Variants in KCNH8 observed in about 807,000 individuals in gnomAD.
The protein encoded by KCNH8 is voltage-gated delayed rectifier potassium channel KCNH8.
Under a neutral mutation model 103.6 loss-of-function variants are expected in KCNH8, and 70 were observed. The observed-to-expected ratio is 0.68, with a 90% CI of 0.56 to 0.82. KCNH8 has a LOEUF of 0.82. Among genes scored for constraint, KCNH8 ranks in the 40% least tolerant of loss-of-function variants. The pLI, the probability that KCNH8 is intolerant of heterozygous loss-of-function variation, is 0.00. For synonymous variants in KCNH8, 498 were observed against 489.4 expected, an observed-to-expected ratio of 1.02 and a Z score of -0.23; for missense variants, 1,217 against 1,329.9, an observed-to-expected ratio of 0.92 and a Z score of 1.32.
intron 11 of KCNH8, among the ~76,000 whole-genome samples, chr3:19,500,769 A>G (rs986982194): frequency 2.0e-5 from 3 of 152,184 alleles, no homozygotes; most frequent in African/African-American, 7.2e-5. Flanking sequence ...TCTCTGGGAC[A>G]CATTCAAAGT....
intron 5 of KCNH8, among the ~76,000 whole-genome samples, chr3:19,388,420 A>G (rs1400236958): frequency 1.3e-5 from 2 of 151,806 alleles, no homozygotes; most frequent in Non-Finnish European, 2.9e-5. Context: ...TTCACATGCT[A>G]CTCTTACAGT....
intron 11 of KCNH8, among the ~76,000 whole-genome samples, chr3:19,467,805 T>C (rs2067773663): frequency 6.6e-6 from 1 of 152,184 alleles, no homozygotes; most frequent in Admixed American, 6.5e-5. Flanking sequence ...ACATCCAGAC[T>C]TTTTATCATA....
chr3:19,441,036 G>A (rs2125174088), intron 8 of KCNH8, among the ~76,000 whole-genome samples: 1 of 152,276 alleles, frequency 6.6e-6, no homozygotes, highest in African/African-American at 2.4e-5. Flanking sequence ...CTGGCAGGCA[G>A]GAGGAGGGGA....
intron 1 of KCNH8, among the ~76,000 whole-genome samples, chr3:19,181,541 A>T (rs775505774): frequency 6.6e-6 from 1 of 152,196 alleles, no homozygotes; most frequent in Non-Finnish European, 1.5e-5. Flanking sequence ...AGGAAAACAG[A>T]TATTTTTAAC....
intron 3 of KCNH8, among the ~76,000 whole-genome samples, chr3:19,322,750 C>T (rs2065366722): frequency 6.6e-6 from 1 of 152,152 alleles, no homozygotes; most frequent in South Asian, 2.1e-4. Flanking sequence ...TCTAGCAAGG[C>T]CAGGGAAGCT....
intron 3 of KCNH8, among the ~76,000 whole-genome samples, chr3:19,292,786 C>A (rs1003841245): frequency 2.6e-5 from 4 of 151,994 alleles, no homozygotes; most frequent in African/African-American, 9.7e-5. Flanking sequence ...GTGGTGCAGA[C>A]AATAAAAAGA....
chr3:19,462,290 C>G (rs934315412), intron 11 of KCNH8, among the ~76,000 whole-genome samples: 3 of 152,182 alleles, frequency 2.0e-5, no homozygotes, highest in Non-Finnish European at 2.9e-5. Flanking sequence ...TCTCCATATC[C>G]TCTCCAACAT....
intron 1 of KCNH8, among the ~76,000 whole-genome samples, chr3:19,182,820 G>A (rs944680695): frequency 5.3e-5 from 8 of 152,142 alleles, no homozygotes; most frequent in African/African-American, 1.7e-4. Context: ...GAACAGAATG[G>A]TCGGCCAACA....
At chr3:19,212,319 T>A (rs937885682) in intron 1 of KCNH8, among the ~76,000 whole-genome samples, 3 of 152,182 alleles carry the variant, frequency 2.0e-5, no homozygotes, top group Admixed American at 2.0e-4. Flanking sequence ...CCAGACCCAC[T>A]TGACTCCAAA....
At chr3:19,526,559 T>C (rs1465992963) in intron 15 of KCNH8, among the ~76,000 whole-genome samples, 1 of 151,890 alleles carries the variant, frequency 6.6e-6, no homozygotes, top group Non-Finnish European at 1.5e-5. Flanking sequence ...GAACAGTAAA[T>C]CTGTGTTTAC....
chr3:19,427,891 G>GA (rs1267544341), intron 7 of KCNH8, among the ~76,000 whole-genome samples: 1 of 152,190 alleles, frequency 6.6e-6, no homozygotes, highest in Non-Finnish European at 1.5e-5. Flanking sequence ...TTTGCAGGTG[G>GA]AAGGAGAGAG....
chr3:19,199,548 T>C (rs1440786692), intron 1 of KCNH8, among the ~76,000 whole-genome samples: 1 of 150,294 alleles, frequency 6.7e-6, no homozygotes, highest in East Asian at 1.9e-4. Context: ...AATCAATTCA[T>C]ATATAATAAC....
intron 6 of KCNH8, among the ~76,000 whole-genome samples, chr3:19,392,331 A>AAG (rs1559305306): frequency 6.7e-6 from 1 of 150,356 alleles, no homozygotes; most frequent in East Asian, 1.9e-4. Flanking sequence ...AAAAAAAAAA[A>AAG]AAAGAAAAGA....
intron 8 of KCNH8, among the ~76,000 whole-genome samples, chr3:19,441,853 T>C (rs2067289685): frequency 6.6e-6 from 1 of 152,182 alleles, no homozygotes; most frequent in Non-Finnish European, 1.5e-5. Flanking sequence ...GTGTGGGTCT[T>C]AAGCAATGGA....
chr3:19,498,064 G>A (rs942687637), intron 11 of KCNH8, among the ~76,000 whole-genome samples: 2 of 152,142 alleles, frequency 1.3e-5, no homozygotes, highest in African/African-American at 4.8e-5. Flanking sequence ...AGCAACCACT[G>A]CCTTTTCCTG....
rs373629534 is a variant in KCNH8 at position 19,182,580 on chromosome 3, T to C, written c.76+33785T>C. ...AGTGGTTGTGCATCAAGCTTTCAGC[T>C]TTTTTTCCTGCTCAGAGCCCTGATA... On this transcript the variant is annotated intron_variant, in intron 1 of 15. Transcript: ENST00000328405. Among the ~76,000 whole-genome samples, 221 of 152,272 alleles carry C rather than the reference T, an allele frequency of 1.5e-3. 4 individuals carry two copies. Among genetic ancestry groups the C allele is most frequent in the African/African-American group, 4.6e-3 (191 of 41,566 alleles).
In KCNH8 at chr3:19,281,212, T is replaced by G; in HGVS notation, c.325T>G (p.Cys109Gly). Residue 109 changes from cysteine (C) to glycine (G), a missense_variant, in exon 3 of 16, where the codon TGC becomes GGC. Transcript: ENST00000328405. ...TACTGTTGCAGGGTCTCCATTTTGG[T>G]GCCTACTGGATATTGTTCCCATAAA... ...FYKKNGSPFW[C>G]LLDIVPIKNE... 1 of 1,609,938 alleles carries G rather than the reference T, an allele frequency of 6.2e-7. No individual in the cohort carries two copies. Among genetic ancestry groups the G allele is most frequent in the Non-Finnish European group, 8.5e-7 (1 of 1,177,972 alleles).
intron 7 of KCNH8, among the ~76,000 whole-genome samples, chr3:19,430,027 T>A (rs947519392): frequency 1.2e-4 from 18 of 152,222 alleles, no homozygotes; most frequent in African/African-American, 3.9e-4. Context: ...AATGAATGTA[T>A]GCATGCATGT....
chr3:19,484,657 T>C (rs2068166382), intron 11 of KCNH8, among the ~76,000 whole-genome samples: 1 of 151,974 alleles, frequency 6.6e-6, no homozygotes, highest in Non-Finnish European at 1.5e-5. Flanking sequence ...GTGGGGGTGG[T>C]CAGGATGATG....
Sources: allele counts gnomAD v4.1 joint callset (sites outside exome capture counted in the v4.1 genomes callset), GRCh38; gene constraint gnomAD v4.1.1; transcripts MANE v1.5; gene names NCBI Gene and HGNC (gene_info 2026-07-23, HGNC 2026-07-21).